The following HAPSTR2 variants were observed in gnomAD, a reference collection of about 807,000 sequenced individuals.
The protein encoded by HAPSTR2 is HUWE1 associated protein modifying stress responses 2.
the HAPSTR2 span, chrX:140,092,227 C>T: frequency 2.7e-6 from 2 of 753,381 alleles, no homozygotes; most frequent in African/African-American, 4.6e-5. Flanking sequence ...AGGACACCCC[C>T]GAAGCCACCC....
At chrX:140,092,061 C>A in the HAPSTR2 span, 12 of 805,084 alleles carry the variant, frequency 1.5e-5, no homozygotes, top group African/African-American at 2.7e-4. Context: ...TGCCCACCAA[C>A]GAAGTTTTGA....
At chrX:140,092,420 C>T in the HAPSTR2 span, 3 of 752,267 alleles carry the variant, frequency 4.0e-6, no homozygotes, top group African/African-American at 2.3e-5. Flanking sequence ...GAAAAACTAG[C>T]TTCTTGGAGG....
chrX:140,091,760 G>A, the HAPSTR2 span: 6 of 925,499 alleles, frequency 6.5e-6, no homozygotes, highest in Non-Finnish European at 6.8e-6. Flanking sequence ...AGCAGCAGAA[G>A]GAGGGCGAGG....
chrX:140,091,725 C>T, the HAPSTR2 span: 17 of 837,972 alleles, frequency 2.0e-5, no homozygotes, highest in Non-Finnish European at 2.3e-5. Context: ...GGTGGAGGTG[C>T]GCGGCCTGAA....
the HAPSTR2 span, chrX:140,092,573 A>G: frequency 1.3e-6 from 1 of 750,809 alleles, no homozygotes; most frequent in Non-Finnish European, 1.6e-6. Context: ...AAACTGCCTC[A>G]TTGGTTGCCT....
At chrX:140,092,366 G>A in the HAPSTR2 span, 11 of 752,210 alleles carry the variant, frequency 1.5e-5, no homozygotes, top group Non-Finnish European at 1.7e-5. Context: ...GCATGCGATC[G>A]GGCGACTCGC....
chrX:140,092,056 A>G, the HAPSTR2 span: 1 of 807,097 alleles, frequency 1.2e-6, no homozygotes, highest in East Asian at 9.4e-5. Flanking sequence ...GGGGATGCCC[A>G]CCAACGAAGT....
At chrX:140,092,017 T>C in the HAPSTR2 span, 1 of 822,712 alleles carries the variant, frequency 1.2e-6, no homozygotes, top group Non-Finnish European at 1.5e-6. Context: ...AATGCGGCCA[T>C]GGCCGTGACC....
At chrX:140,091,869 G>T in the HAPSTR2 span, 1 of 971,264 alleles carries the variant, frequency 1.0e-6, no homozygotes, top group Non-Finnish European at 1.3e-6. Flanking sequence ...GGAGGAGGCG[G>T]CTGCAGAGTT....
At chrX:140,092,687 C>T in the HAPSTR2 span, 3 of 505,424 alleles carry the variant, frequency 5.9e-6, no homozygotes, top group Non-Finnish European at 7.3e-6. Flanking sequence ...AGATTTCTAA[C>T]AATTTTGCCA....
chrX:140,092,194 C>T, the HAPSTR2 span: 1 of 757,423 alleles, frequency 1.3e-6, no homozygotes, highest in South Asian at 6.7e-5. Context: ...GTGCCCCCCG[C>T]TCCTCCTCCA....
chrX:140,092,662 C>G, the HAPSTR2 span: 11 of 597,833 alleles, frequency 1.8e-5, no homozygotes, highest in Non-Finnish European at 2.0e-5. Context: ...TTCTTCCCTT[C>G]TCTAAGTTAA....
chrX:140,091,683 G>A, the HAPSTR2 span: 20 of 605,959 alleles, frequency 3.3e-5, no homozygotes, highest in South Asian at 5.2e-4. Context: ...CCAAGAGTAG[G>A]CAGCAGCGGC....
At chrX:140,091,847 C>A in the HAPSTR2 span, 5 of 979,178 alleles carry the variant, frequency 5.1e-6, no homozygotes, top group Non-Finnish European at 6.5e-6. Flanking sequence ...AGCAGCTGCC[C>A]CCCGAGCTGC....
the HAPSTR2 span, among the ~76,000 whole-genome samples, chrX:140,092,830 G>A: frequency 9.0e-5 from 10 of 111,695 alleles, no homozygotes; most frequent in Admixed American, 4.7e-4. Flanking sequence ...GTCAAGGCAG[G>A]AGTCTGATTT....
chrX:140,092,538 A>T, the HAPSTR2 span: 2 of 753,384 alleles, frequency 2.7e-6, no homozygotes, highest in Non-Finnish European at 1.6e-6. Flanking sequence ...AGACTCCCCA[A>T]TCCAAAAGCG....
chrX:140,092,425 T>G, the HAPSTR2 span: 1 of 754,283 alleles, frequency 1.3e-6, no homozygotes, highest in African/African-American at 2.3e-5. Context: ...ACTAGCTTCT[T>G]GGAGGACGAC....
chrX:140,091,898 G>A, the HAPSTR2 span: 52 of 920,963 alleles, frequency 5.6e-5, no homozygotes, highest in Admixed American at 2.3e-3. Context: ...TCAAGAGCGA[G>A]AAGCAGAAGC....
the HAPSTR2 span, chrX:140,091,710 G>A: frequency 5.9e-5 from 46 of 782,078 alleles, no homozygotes; most frequent in Non-Finnish European, 6.8e-5. Flanking sequence ...GGAGGAGGAG[G>A]CGGTGGTGGA....
Sources: gnomAD v4.1 joint callset for allele counts (sites outside exome capture counted in the v4.1 genomes callset) on GRCh38, gnomAD v4.1.1 for gene constraint, MANE v1.5 for transcripts, NCBI Gene and HGNC (gene_info 2026-07-23, HGNC 2026-07-21) for gene names.